The following SSBP3 variants were observed in gnomAD, a reference collection of about 807,000 sequenced individuals.
The protein encoded by SSBP3 is single stranded DNA binding protein 3.
SSBP3 carries 5 observed loss-of-function variants against 69.6 expected under a neutral mutation model. The observed-to-expected ratio is 0.07, with a 90% confidence interval of 0.04 to 0.15. SSBP3 has a LOEUF of 0.15. SSBP3 is among the 10% of genes least tolerant of loss of function. SSBP3 has a pLI of 1.00. For missense variants in SSBP3, 312 were observed against 534.0 expected (o/e 0.58, Z 4.10); for synonymous variants, 196 against 193.4 (o/e 1.01, Z -0.11).
chr1:54,320,872 A>G (rs183398104), intron 4 of SSBP3, among the ~76,000 whole-genome samples: 1 of 152,324 alleles, frequency 6.6e-6, no homozygotes, highest in East Asian at 1.9e-4. Context: ...GCATTCAACC[A>G]ATGAATTTGT....
chr1:54,290,382 A>G (rs1645582400), intron 4 of SSBP3, among the ~76,000 whole-genome samples: 1 of 152,216 alleles, frequency 6.6e-6, no homozygotes, highest in Admixed American at 6.5e-5. Context: ...AGAGCCAGAG[A>G]CACAGCTCCA....
chr1:54,246,063 C>A (rs1231778089), intron 9 of SSBP3, among the ~76,000 whole-genome samples: 2 of 152,188 alleles, frequency 1.3e-5, no homozygotes, highest in South Asian at 2.1e-4. Flanking sequence ...GACCCACAAT[C>A]CCCTCTGCTG....
intron 5 of SSBP3, among the ~76,000 whole-genome samples, chr1:54,263,983 A>G (rs771815795): frequency 3.9e-5 from 6 of 152,152 alleles, no homozygotes; most frequent in Admixed American, 6.5e-5. Flanking sequence ...ACCAAAACCA[A>G]AACCAAAACA....
At chr1:54,350,879 A>G (rs1247084735) in intron 4 of SSBP3, among the ~76,000 whole-genome samples, 9 of 152,136 alleles carry the variant, frequency 5.9e-5, no homozygotes, top group East Asian at 1.9e-4. Context: ...TCTGTCACCA[A>G]TGCTGGAGTG....
At chr1:54,355,063 CTTGCT>C (rs1359435444) in intron 4 of SSBP3, among the ~76,000 whole-genome samples, 1 of 152,250 alleles carries the variant, frequency 6.6e-6, no homozygotes, top group Non-Finnish European at 1.5e-5. Context: ...CTCTCCTGCT[CTTGCT>C]TTGAAGGTCC....
intron 10 of SSBP3, 85 bp downstream of exon 10, chr1:54,243,150 C>G: frequency 1.6e-6 from 2 of 1,216,530 alleles, no homozygotes; most frequent in Admixed American, 1.7e-5. Flanking sequence ...AGCAATGACC[C>G]CTTATCATGA....
chr1:54,294,159 A>AAAAAAG (rs754650225), intron 4 of SSBP3, among the ~76,000 whole-genome samples: 22 of 86,158 alleles, frequency 2.6e-4, no homozygotes, highest in African/African-American at 4.1e-4. Context: ...AAAAAAAAAA[A>AAAAAAG]AAAGAAAGAA....
At chr1:54,262,354 G>A (rs1297101644) in intron 5 of SSBP3, among the ~76,000 whole-genome samples, 2 of 152,130 alleles carry the variant, frequency 1.3e-5, no homozygotes, top group African/African-American at 2.4e-5. Context: ...GTCTAACAGG[G>A]TCCTGGGTAG....
At chr1:54,254,042 G>T (rs1015993738) in intron 7 of SSBP3, among the ~76,000 whole-genome samples, 1 of 152,246 alleles carries the variant, frequency 6.6e-6, no homozygotes, top group African/African-American at 2.4e-5. Context: ...GGGGAAGAAG[G>T]TGTGCAATGA....
chr1:54,328,262 G>A (rs942061137), intron 4 of SSBP3, among the ~76,000 whole-genome samples: 5 of 152,168 alleles, frequency 3.3e-5, no homozygotes, highest in African/African-American at 2.4e-5. Flanking sequence ...AGGAACACAC[G>A]CACGACCCTG....
At chr1:54,256,946 G>T (rs61517970) in intron 7 of SSBP3, among the ~76,000 whole-genome samples, 181 bp downstream of exon 7, 1 of 152,086 alleles carries the variant, frequency 6.6e-6, no homozygotes, top group South Asian at 2.1e-4. Context: ...GTGAACTGCC[G>T]CACCATGGGC....
chr1:54,257,377 T>C, intron 6 of SSBP3, 191 bp from the exon 7 acceptor site: 1 of 538,122 alleles, frequency 1.9e-6, no homozygotes, highest in East Asian at 3.4e-5. Context: ...ACACAACAAA[T>C]GTGTCTCTTG....
At chr1:54,238,307 A>G (rs1158310291) in intron 14 of SSBP3, 2 of 471,006 alleles carry the variant, frequency 4.2e-6, no homozygotes, top group South Asian at 1.5e-5. Flanking sequence ...AAAGCCTCGC[A>G]CTTTAGGGCC....
intron 4 of SSBP3, among the ~76,000 whole-genome samples, chr1:54,338,404 A>C (rs570677137): frequency 2.5e-3 from 379 of 152,282 alleles, no homozygotes; most frequent in South Asian, 4.4e-3. Context: ...CACACTGAAA[A>C]ACCATCTGTT....
chr1:54,241,716 C>T (rs1348747570), intron 11 of SSBP3, among the ~76,000 whole-genome samples: 2 of 152,228 alleles, frequency 1.3e-5, no homozygotes, highest in Non-Finnish European at 2.9e-5. Context: ...ACCCTGGTCT[C>T]TTACTCCCCA....
intron 5 of SSBP3, among the ~76,000 whole-genome samples, chr1:54,280,998 C>T (rs1348038630): frequency 6.6e-6 from 1 of 152,008 alleles, no homozygotes; most frequent in Non-Finnish European, 1.5e-5. Flanking sequence ...TTTAAGATTA[C>T]GCCTAAGGTT....
At chr1:54,309,860 C>G (rs1014503003) in intron 4 of SSBP3, among the ~76,000 whole-genome samples, 4 of 152,172 alleles carry the variant, frequency 2.6e-5, no homozygotes, top group African/African-American at 4.8e-5. Context: ...AGGTCACACT[C>G]GACAAGGCGC....
intron 4 of SSBP3, among the ~76,000 whole-genome samples, chr1:54,301,834 C>A (rs912376633): frequency 6.6e-6 from 1 of 152,196 alleles, no homozygotes; most frequent in South Asian, 2.1e-4. Context: ...CACATGCTCC[C>A]GGGGCCACCC....
chr1:54,373,529 T>G (rs972627594), intron 4 of SSBP3, among the ~76,000 whole-genome samples: 1 of 152,000 alleles, frequency 6.6e-6, no homozygotes, highest in African/African-American at 2.4e-5. Flanking sequence ...TTTGGGAAGC[T>G]GAGGCGGGTG....
Sources: allele counts gnomAD v4.1 joint callset (sites outside exome capture counted in the v4.1 genomes callset), GRCh38; gene constraint gnomAD v4.1.1; transcripts MANE v1.5; gene names NCBI Gene and HGNC (gene_info 2026-07-23, HGNC 2026-07-21).